The following PARP8 variants were observed in gnomAD, a reference collection of about 807,000 sequenced individuals.
The protein encoded by PARP8 is protein mono-ADP-ribosyltransferase PARP8.
PARP8 carries 51 observed loss-of-function variants against 124.1 expected under a neutral mutation model. That is an observed-to-expected ratio of 0.41 (90% CI 0.33 to 0.52). The LOEUF (loss-of-function observed/expected upper bound fraction) is 0.52. Among genes scored for constraint, PARP8 ranks in the 20% least tolerant of loss-of-function variants. The probability of loss-of-function intolerance (pLI) is 0.21; values close to 1 mark genes in which losing one functional copy is unlikely to be tolerated. For missense variants in PARP8, 860 were observed against 1,018.9 expected (o/e 0.84, Z 2.12); for synonymous variants, 391 against 361.5 (o/e 1.08, Z -0.93).
In PARP8 at chr5:50,834,841, G is replaced by T. The variant is rs770246162; in HGVS notation, c.2378-90G>T. 7.9e-5 allele frequency: 88 copies of T among 1,118,758 alleles called. No homozygotes were observed. The African/African-American group carries it at 1.3e-3, about 16-fold the overall frequency. The allele number at this position is 1,118,758 out of a possible 1,614,324, so 69.3% of individuals were successfully genotyped here. A position where few individuals can be genotyped will look rare whatever the true frequency, so the allele number is the denominator to read the frequency against. Reference sequence around the variant, plus strand: ...CATTAGTGCTTGTATTTTTGCTTTAGATTTCAACGAGAAGAGATATATTAA... The same window carrying T: ...CATTAGTGCTTGTATTTTTGCTTTATATTTCAACGAGAAGAGATATATTAA... On this transcript the variant is annotated intron_variant, in intron 24 of 25. Transcript: ENST00000281631.
chr5:50,726,167 G>A (rs1756409289), intron 2 of PARP8, among the ~76,000 whole-genome samples: 1 of 151,792 alleles, frequency 6.6e-6, no homozygotes, highest in South Asian at 2.1e-4. Context: ...AAACAGACCT[G>A]GGTTTGAAGC....
intron 14 of PARP8, among the ~76,000 whole-genome samples, chr5:50,803,558 A>G (rs1047417741): frequency 6.6e-6 from 1 of 152,016 alleles, no homozygotes; most frequent in East Asian, 1.9e-4. Flanking sequence ...AGTTAATCTC[A>G]ATGGACCTAT....
At chr5:50,747,761 C>CCT (rs1758753413) in intron 2 of PARP8, among the ~76,000 whole-genome samples, 20 of 52,936 alleles carry the variant, frequency 3.8e-4, no homozygotes, top group East Asian at 3.7e-3. Context: ...ATAGACCTTG[C>CCT]TTTTTTTTTT....
intron 18 of PARP8, 88 bp downstream of exon 18, chr5:50,825,063 A>T: frequency 8.9e-7 from 1 of 1,122,484 alleles, no homozygotes; most frequent in Non-Finnish European, 1.3e-6. Context: ...ACAAAAGTAA[A>T]CCTGTCTTAC....
At chr5:50,818,363 G>A (rs1487063360) in intron 15 of PARP8, among the ~76,000 whole-genome samples, 1 of 151,970 alleles carries the variant, frequency 6.6e-6, no homozygotes, top group African/African-American at 2.4e-5. Context: ...CTAGTAGCTG[G>A]GATAACAGGT....
intron 2 of PARP8, among the ~76,000 whole-genome samples, chr5:50,719,104 A>G (rs1433058628): frequency 1.3e-5 from 2 of 151,982 alleles, no homozygotes; most frequent in African/African-American, 4.8e-5. Flanking sequence ...GGCCATTTGT[A>G]TGTTGTCTTT....
intron 10 of PARP8, among the ~76,000 whole-genome samples, chr5:50,790,127 G>A (rs1741781984): frequency 6.6e-6 from 1 of 152,140 alleles, no homozygotes; most frequent in Non-Finnish European, 1.5e-5. Context: ...TAAATTCCCA[G>A]TGTTGAGTTC....
chr5:50,812,115 C>T (rs551947503), intron 14 of PARP8, among the ~76,000 whole-genome samples: 12 of 152,178 alleles, frequency 7.9e-5, no homozygotes, highest in Admixed American at 2.6e-4. Context: ...GTAATGGGAT[C>T]GCTGAGTCAA....
rs1379570389 is a variant in PARP8 at position 50,845,038 on chromosome 5, T to C, written c.*2970T>C. 3 of 151,444 alleles carry C rather than the reference T, an allele frequency of 2.0e-5. No homozygotes were observed. The highest frequency in any genetic ancestry group is 7.3e-5 in the African/African-American group (3 of 41,326). 9.4% of individuals were successfully genotyped at this position (151,444 alleles called of 1,614,324 possible). ...TTTTAAAAGTGCCACATTGTAAAAG[T>C]TACCGTTAAATACTATGTAGTATAA... On this transcript the variant is annotated 3_prime_UTR_variant, in exon 26 of 26. Transcript: ENST00000281631.
At chr5:50,776,684 T>C (rs1740068620) in intron 7 of PARP8, among the ~76,000 whole-genome samples, 1 of 152,218 alleles carries the variant, frequency 6.6e-6, no homozygotes, top group African/African-American at 2.4e-5. Flanking sequence ...TGGTTTTTGG[T>C]CATTTATATT....
At chr5:50,725,582 G>A (rs1466770927) in intron 2 of PARP8, among the ~76,000 whole-genome samples, 2 of 152,178 alleles carry the variant, frequency 1.3e-5, no homozygotes, top group Non-Finnish European at 2.9e-5. Flanking sequence ...CATATTTCAT[G>A]TGTTCACTGC....
intron 2 of PARP8, among the ~76,000 whole-genome samples, chr5:50,726,475 T>C (rs1756440438): frequency 6.6e-6 from 1 of 152,202 alleles, no homozygotes; most frequent in African/African-American, 2.4e-5. Context: ...CTGCTTTTTC[T>C]TGTTTAGCCA....
At chr5:50,788,253 A>C (rs148865499) in intron 9 of PARP8, among the ~76,000 whole-genome samples, 3 of 147,624 alleles carry the variant, frequency 2.0e-5, no homozygotes, top group Non-Finnish European at 3.0e-5. Context: ...ATAATGTATA[A>C]TGTATACAAT....
chr5:50,733,910 C>A (rs1327136145), intron 2 of PARP8, among the ~76,000 whole-genome samples: 1 of 152,146 alleles, frequency 6.6e-6, no homozygotes, highest in African/African-American at 2.4e-5. Flanking sequence ...TCAAATACTG[C>A]ACACTTCCCT....
intron 18 of PARP8, 103 bp downstream of exon 18, chr5:50,825,078 C>T: frequency 1.1e-6 from 1 of 929,148 alleles, no homozygotes; most frequent in South Asian, 1.4e-5. Flanking sequence ...TCTTACAAGC[C>T]CTGCAATGCT....
At chr5:50,839,058 C>T (rs1304287419) in intron 25 of PARP8, among the ~76,000 whole-genome samples, 2 of 152,004 alleles carry the variant, frequency 1.3e-5, no homozygotes, top group Non-Finnish European at 2.9e-5. Flanking sequence ...AACTCCTGGG[C>T]TCAAGTGATC....
intron 2 of PARP8, among the ~76,000 whole-genome samples, chr5:50,745,799 C>G (rs974322736): frequency 1.3e-5 from 2 of 152,184 alleles, no homozygotes; most frequent in African/African-American, 4.8e-5. Context: ...GTGCCTTGAT[C>G]ATCAGTTTTA....
At position 50,759,627 on chromosome 5, in the gene PARP8, T is replaced by TC. The variant is rs1402623118; in HGVS notation, c.185-16_185-15insC. 1 of 1,471,622 alleles carries TC rather than the reference T, an allele frequency of 6.8e-7. No homozygotes were observed. 91.2% of individuals were successfully genotyped at this position (1,471,622 alleles called of 1,614,324 possible). On this transcript the variant is annotated splice_polypyrimidine_tract_variant and intron_variant, in intron 3 of 25. Coordinates refer to ENST00000281631, the MANE Select transcript of PARP8 (RefSeq NM_024615.4). ...AAACTTATGCCTTTCATTATCTTTTTTTTTTTTTTTTGCAGATAATACATA... is the reference window on the plus strand; with the variant it reads ...AAACTTATGCCTTTCATTATCTTTTTCTTTTTTTTTTTGCAGATAATACATA...
chr5:50,815,960 G>A (rs558117322), intron 15 of PARP8, among the ~76,000 whole-genome samples: 1 of 151,714 alleles, frequency 6.6e-6, no homozygotes, highest in East Asian at 1.9e-4. Context: ...TTCAGAGATA[G>A]GAAGAAAAGC....
Sources: allele counts gnomAD v4.1 joint callset (sites outside exome capture counted in the v4.1 genomes callset), GRCh38; gene constraint gnomAD v4.1.1; transcripts MANE v1.5; gene names NCBI Gene and HGNC (gene_info 2026-07-23, HGNC 2026-07-21).